Variants in ZNF804B observed in about 807,000 individuals in gnomAD.
ZNF804B encodes zinc finger protein 804B.
In ZNF804B, 80 loss-of-function variants were observed where a neutral mutation model predicts 101.4. The observed-to-expected ratio is 0.79, with a 90% CI of 0.66 to 0.95. The LOEUF (loss-of-function observed/expected upper bound fraction) is 0.95. Among genes scored for constraint, ZNF804B ranks in the 40% least tolerant of loss-of-function variants. The pLI is 0.00. For synonymous variants in ZNF804B, 622 were observed against 558.8 expected, an observed-to-expected ratio of 1.11 and a Z score of -1.59; for missense variants, 1,673 against 1,561.9, an observed-to-expected ratio of 1.07 and a Z score of -1.20.
chr7:89,136,366 A>G (rs1169130294), intron 1 of ZNF804B, among the ~76,000 whole-genome samples: 1 of 152,122 alleles, frequency 6.6e-6, no homozygotes, highest in Non-Finnish European at 1.5e-5. Context: ...TAAAATATGA[A>G]TAATATAACA....
chr7:89,084,430 C>T lies in ZNF804B; in HGVS notation c.109-133725C>T, dbSNP rs139493487. Among the ~76,000 whole-genome samples the T allele has an allele frequency of 4.0e-3, 606 of 151,978 alleles. 2 individuals carry two copies. The highest frequency in any genetic ancestry group is 7.0e-3 in the Non-Finnish European group (473 of 67,878). On this transcript the variant is annotated intron_variant, in intron 1 of 3. Coordinates refer to ENST00000333190, the MANE Select transcript of ZNF804B (RefSeq NM_181646.5). Reference sequence around the variant, plus strand: ...AAGCAGAAGTCTACAGAAAATAACTCTCACCCCAGGCACATTGGATACCAG... The same window carrying T: ...AAGCAGAAGTCTACAGAAAATAACTTTCACCCCAGGCACATTGGATACCAG...
intron 1 of ZNF804B, among the ~76,000 whole-genome samples, chr7:89,128,273 A>T (rs1297938591): frequency 1.3e-5 from 2 of 151,936 alleles, no homozygotes; most frequent in Non-Finnish European, 2.9e-5. Flanking sequence ...ACACATATAA[A>T]ATTGTATACT....
intron 1 of ZNF804B, among the ~76,000 whole-genome samples, chr7:88,973,592 C>G (rs996071513): frequency 6.6e-6 from 1 of 150,852 alleles, no homozygotes; most frequent in Admixed American, 6.6e-5. Context: ...CTCAAAGTTA[C>G]AAGACATAGA....
chr7:89,298,753 A>G (rs734391), intron 2 of ZNF804B, among the ~76,000 whole-genome samples: 35,229 of 151,812 alleles, frequency 0.23, 4,427 homozygotes, highest in Admixed American at 0.28. Context: ...TTTTTAGTAA[A>G]TAGAAACAGA....
At chr7:89,302,327 C>T (rs1319187300) in intron 2 of ZNF804B, among the ~76,000 whole-genome samples, 1 of 151,882 alleles carries the variant, frequency 6.6e-6, no homozygotes, top group African/African-American at 2.4e-5. Context: ...TCAGCTCTCT[C>T]CAACCCTGTC....
At chr7:88,827,405 T>A (rs1791065040) in intron 1 of ZNF804B, among the ~76,000 whole-genome samples, 1 of 151,454 alleles carries the variant, frequency 6.6e-6, no homozygotes, top group Non-Finnish European at 1.5e-5. Flanking sequence ...TGCAACTATA[T>A]ATGTGTCTTT....
Position 89,034,259 on chromosome 7 carries a change from A to G in ZNF804B, c.109-183896A>G, listed in dbSNP as rs1008666947. On this transcript the variant is annotated intron_variant, in intron 1 of 3. Coordinates refer to ENST00000333190, the MANE Select transcript of ZNF804B (RefSeq NM_181646.5). ...AGACTTTTTTTGAAGTTTTACATTT[A>G]TTTATTTATTTATTTTTATTCTACT... 6.6e-5 allele frequency among the ~76,000 whole-genome samples: 10 copies of G among 152,084 alleles called. No homozygotes were observed. The East Asian group carries it at 1.9e-3, about 29-fold the overall frequency.
chr7:88,953,344 G>T (rs77175028), intron 1 of ZNF804B, among the ~76,000 whole-genome samples: 6,747 of 151,728 alleles, frequency 0.044, 240 homozygotes, highest in Non-Finnish European at 0.059. Flanking sequence ...CTGCTCTAAT[G>T]TCACTTTCTC....
intron 1 of ZNF804B, among the ~76,000 whole-genome samples, chr7:89,000,311 AT>A (rs1348153718): frequency 4.6e-5 from 7 of 151,968 alleles, no homozygotes; most frequent in Non-Finnish European, 1.0e-4. Context: ...CAAGGTAATA[AT>A]TTATAATTAT....
At position 89,336,320 on chromosome 7, in the gene ZNF804B, A is replaced by C; in HGVS notation, c.3338A>C (p.Asn1113Thr). The C allele has an allele frequency of 2.5e-6, 4 of 1,613,988 alleles. No individual in the cohort carries two copies. The change falls in exon 4 of 4, where the codon AAT becomes ACT. Residue 1113 changes from asparagine to threonine, a missense_variant. Transcript: ENST00000333190. The part of the protein sequence containing the change: ...VSMHINHVEG[N>T]INSYYDRTMQ... ...ATGCATATAAATCATGTAGAGGGAA[A>C]TATAAACTCTTACTATGACAGAACT...
intron 1 of ZNF804B, among the ~76,000 whole-genome samples, chr7:89,114,429 A>C (rs1367769769): frequency 1.3e-5 from 2 of 152,210 alleles, no homozygotes; most frequent in East Asian, 3.9e-4. Context: ...GAGAATAATG[A>C]CAATGCAGAG....
rs1278480095 is a variant in ZNF804B at position 88,963,099 on chromosome 7, A to G, written c.108+203015A>G. 2.0e-5 allele frequency among the ~76,000 whole-genome samples: 3 copies of G among 151,116 alleles called. No individual in the cohort carries two copies. The East Asian group carries it at 5.9e-4, about 30-fold the overall frequency. The stretch of plus-strand genomic sequence containing the variant: ...TATTATGAAGATGTTAGCACTACCC[A>G]AAGTAATCTACACTTTCAGTATAAT... On this transcript the variant is annotated intron_variant, in intron 1 of 3. Transcript: ENST00000333190.
chr7:88,910,008 TCTAA>T (rs1235229089), intron 1 of ZNF804B, among the ~76,000 whole-genome samples: 1 of 151,802 alleles, frequency 6.6e-6, no homozygotes, highest in African/African-American at 2.4e-5. Context: ...TTTGCTTACT[TCTAA>T]CTTAGAACAT....
At chr7:89,110,834 T>C (rs1226645252) in intron 1 of ZNF804B, among the ~76,000 whole-genome samples, 1 of 152,156 alleles carries the variant, frequency 6.6e-6, no homozygotes, top group Non-Finnish European at 1.5e-5. Context: ...TTGTACAGAA[T>C]AGTTTTCCTG....
At chr7:89,195,624 A>G (rs971292118) in intron 1 of ZNF804B, among the ~76,000 whole-genome samples, 1 of 151,738 alleles carries the variant, frequency 6.6e-6, no homozygotes, top group Admixed American at 6.6e-5. Flanking sequence ...TAGGAATCCA[A>G]CTTACAGGGG....
chr7:88,875,868 T>A (rs952612878), intron 1 of ZNF804B, among the ~76,000 whole-genome samples: 7 of 152,130 alleles, frequency 4.6e-5, no homozygotes, highest in Admixed American at 1.3e-4. Context: ...AAAAGAGAAT[T>A]TTAGACCAAT....
intron 1 of ZNF804B, among the ~76,000 whole-genome samples, chr7:89,164,769 A>G (rs748067172): frequency 2.6e-5 from 4 of 152,172 alleles, no homozygotes; most frequent in Non-Finnish European, 5.9e-5. Flanking sequence ...GATACACAGC[A>G]TAACATTATG....
intron 1 of ZNF804B, among the ~76,000 whole-genome samples, chr7:89,166,975 G>C (rs898473217): frequency 6.6e-6 from 1 of 152,110 alleles, no homozygotes; most frequent in Non-Finnish European, 1.5e-5. Flanking sequence ...CGGTATTTGT[G>C]TGAATGAGTT....
At chr7:88,833,172 C>A (rs1366562013) in intron 1 of ZNF804B, among the ~76,000 whole-genome samples, 1 of 105,564 alleles carries the variant, frequency 9.5e-6, no homozygotes. Flanking sequence ...TTCTATCTTC[C>A]GCTTAAAAAA....
Sources: gnomAD v4.1 joint callset for allele counts (sites outside exome capture counted in the v4.1 genomes callset) on GRCh38, gnomAD v4.1.1 for gene constraint, MANE v1.5 for transcripts, NCBI Gene and HGNC (gene_info 2026-07-23, HGNC 2026-07-21) for gene names.